AAK1: variants seen among roughly 807,000 people sequenced by gnomAD.
AAK1 encodes AP2-associated protein kinase 1.
Under a neutral mutation model 116.0 loss-of-function variants are expected in AAK1, and 37 were observed. The observed-to-expected ratio is 0.32, with a 90% CI of 0.25 to 0.42. The LOEUF (loss-of-function observed/expected upper bound fraction) is 0.42, where lower values mean the gene tolerates loss of function less well. AAK1 is among the 10% of genes least tolerant of loss of function. The pLI is 1.00. For synonymous variants in AAK1, 458 were observed against 439.9 expected (o/e 1.04, Z -0.51); for missense variants, 919 against 1,170.6 (o/e 0.79, Z 3.14).
chr2:69,567,033 G>C (rs1671903726), intron 2 of AAK1, among the ~76,000 whole-genome samples: 2 of 152,182 alleles, frequency 1.3e-5, no homozygotes, highest in Admixed American at 1.3e-4. Context: ...TACTGACCAA[G>C]GCCCGCAATT....
At chr2:69,582,367 G>C (rs139988749) in intron 2 of AAK1, among the ~76,000 whole-genome samples, 21 of 151,896 alleles carry the variant, frequency 1.4e-4, no homozygotes, top group Admixed American at 2.6e-4. Flanking sequence ...AAAAACCTCC[G>C]TGTGTGCGTG....
intron 2 of AAK1, among the ~76,000 whole-genome samples, chr2:69,575,036 A>C (rs79760414): frequency 6.6e-6 from 1 of 150,682 alleles, no homozygotes; most frequent in Non-Finnish European, 1.5e-5. Context: ...AAAAAAAAAA[A>C]CCACACACAC....
intron 3 of AAK1, among the ~76,000 whole-genome samples, chr2:69,545,149 C>T (rs1173879855): frequency 1.3e-5 from 2 of 152,094 alleles, no homozygotes; most frequent in African/African-American, 4.8e-5. Flanking sequence ...GGCATGTTTC[C>T]AGCTCTTCAG....
chr2:69,474,712 A>T lies in AAK1; in HGVS notation c.*1157T>A, dbSNP rs1366810026. On this transcript the variant is annotated 3_prime_UTR_variant, in exon 22 of 22. Transcript: ENST00000409085. ...TAAACAACATGCTTATTCTAGAGAC[A>T]GAGGACCTGCTGAAAGCTTATAGCA... 1.0e-6 allele frequency: 1 copy of T among 985,730 alleles called. No individual in the cohort carries two copies. The highest frequency in any genetic ancestry group is 1.2e-6 in the Non-Finnish European group (1 of 829,944). 61.1% of individuals were successfully genotyped at this position (985,730 alleles called of 1,614,324 possible). A position where few individuals can be genotyped will look rare whatever the true frequency, so the allele number is the denominator to read the frequency against.
At chr2:69,562,285 A>G (rs1671675017) in intron 2 of AAK1, among the ~76,000 whole-genome samples, 2 of 152,138 alleles carry the variant, frequency 1.3e-5, no homozygotes, top group Non-Finnish European at 2.9e-5. Context: ...GTGTGTAGTG[A>G]CATCTTGTTG....
chr2:69,626,522 C>A (rs538380199), intron 2 of AAK1, among the ~76,000 whole-genome samples: 2 of 149,638 alleles, frequency 1.3e-5, no homozygotes, highest in Admixed American at 6.7e-5. Flanking sequence ...TTTTTTGAGA[C>A]AGGGTCTCAC....
intron 5 of AAK1, among the ~76,000 whole-genome samples, chr2:69,534,658 T>C (rs556343234): frequency 2.0e-5 from 3 of 152,272 alleles, no homozygotes; most frequent in African/African-American, 4.8e-5. Flanking sequence ...CTACAGAACT[T>C]ACTGTCAATA....
chr2:69,502,743 T>G (rs1463394886), intron 16 of AAK1, among the ~76,000 whole-genome samples: 2 of 152,172 alleles, frequency 1.3e-5, no homozygotes, highest in African/African-American at 4.8e-5. Context: ...GAAACAAAAT[T>G]TATATAGCTT....
chr2:69,555,371 G>T (rs1671350336), intron 3 of AAK1, among the ~76,000 whole-genome samples: 1 of 152,160 alleles, frequency 6.6e-6, no homozygotes, highest in Admixed American at 6.5e-5. Flanking sequence ...CTAAAATCTA[G>T]AGTAGTGCCA....
chr2:69,475,285 C>A lies in AAK1; in HGVS notation c.*584G>T. The A allele has an allele frequency of 1.0e-6, 1 of 985,944 alleles. No homozygotes were observed. Among genetic ancestry groups the A allele is most frequent in the African/African-American group, 1.7e-5 (1 of 57,358 alleles). 61.1% of individuals were successfully genotyped at this position (985,944 alleles called of 1,614,324 possible). A position where few individuals can be genotyped will look rare whatever the true frequency, so the allele number is the denominator to read the frequency against. ...AAAGTTGGTTGGCTAGAGCTGGGCT[C>A]AATTTCTCTTCTCAAATATATACTA... is the stretch of plus-strand genomic sequence containing the variant. On this transcript the variant is annotated 3_prime_UTR_variant, in exon 22 of 22. Coordinates refer to ENST00000409085, the MANE Select transcript of AAK1 (RefSeq NM_014911.5).
chr2:69,594,594 C>G (rs933631056), intron 2 of AAK1: 17 of 472,634 alleles, frequency 3.6e-5, no homozygotes, highest in Non-Finnish European at 6.1e-5. Context: ...ACTACTATGT[C>G]TAATTACCAC....
rs1168494478 is a variant in AAK1, at chr2:69,509,392, T to C, written c.1845A>G (p.Lys615=). The C allele has an allele frequency of 5.0e-6, 8 of 1,613,832 alleles. No homozygotes were observed. In the Admixed American group the frequency reaches 1.2e-4, roughly 24 times the overall value. The part of the protein sequence containing the change: ...TTPPPAVQGQ[K]VGSLTPPSSP... ...ATGAGGGTGGAGTGAGAGATCCAAC[T>C]TTCTGCCCCTGGACGGCAGGAGGTG... The change falls in exon 14 of 22, where the codon AAA becomes AAG. Residue 615 remains lysine, a synonymous_variant. Transcript: ENST00000409085.
intron 2 of AAK1, among the ~76,000 whole-genome samples, chr2:69,619,922 C>T (rs1674516453): frequency 6.6e-6 from 1 of 152,188 alleles, no homozygotes; most frequent in African/African-American, 2.4e-5. Context: ...GAGCATAGCA[C>T]TTTCTAGGCC....
Position 69,470,403 on chromosome 2 carries a change from T to C in AAK1, c.*5466A>G. On this transcript the variant is annotated 3_prime_UTR_variant, in exon 22 of 22. Coordinates refer to ENST00000409085, the MANE Select transcript of AAK1 (RefSeq NM_014911.5). ...CATCAAACTAATAATTACCATGACC[T>C]TCTAGCTCACATAACAAAATTAAGC... 1 of 985,410 alleles carries C rather than the reference T, an allele frequency of 1.0e-6. No homozygotes were observed. Among genetic ancestry groups the C allele is most frequent in the Non-Finnish European group, 1.2e-6 (1 of 829,926 alleles). The allele number at this position is 985,410 out of a possible 1,614,324, so 61.0% of individuals were successfully genotyped here. A position where few individuals can be genotyped will look rare whatever the true frequency, so the allele number is the denominator to read the frequency against.
intron 2 of AAK1, among the ~76,000 whole-genome samples, chr2:69,564,627 T>C (rs2105103286): frequency 6.6e-6 from 1 of 152,314 alleles, no homozygotes; most frequent in East Asian, 1.9e-4. Context: ...CCTTGAGACA[T>C]GTAGTATTCC....
chr2:69,467,487 T>C lies in AAK1; in HGVS notation c.*8382A>G, dbSNP rs559111894. ...TTAGCAAGAGGGCAGGAAAAAGGCA[T>C]ATGTAACTAAGCAAGAAGAATCCAG... On this transcript the variant is annotated 3_prime_UTR_variant, in exon 22 of 22. Coordinates refer to ENST00000409085, the MANE Select transcript of AAK1 (RefSeq NM_014911.5). The C allele has an allele frequency of 3.0e-6, 3 of 985,356 alleles. No homozygotes were observed. Among genetic ancestry groups the C allele is most frequent in the South Asian group, 4.7e-5 (1 of 21,286 alleles). 61.0% of individuals were successfully genotyped at this position (985,356 alleles called of 1,614,324 possible). A position where few individuals can be genotyped will look rare whatever the true frequency, so the allele number is the denominator to read the frequency against.
At chr2:69,540,887 A>G (rs1670685541) in intron 5 of AAK1, among the ~76,000 whole-genome samples, 1 of 152,248 alleles carries the variant, frequency 6.6e-6, no homozygotes, top group African/African-American at 2.4e-5. Context: ...GATAAACAAA[A>G]TGTGGTACAT....
At chr2:69,636,513 G>C (rs1396441060) in intron 2 of AAK1, among the ~76,000 whole-genome samples, 7 of 152,096 alleles carry the variant, frequency 4.6e-5, no homozygotes, top group African/African-American at 1.2e-4. Context: ...TTTTTAACTA[G>C]AGCACTATTC....
At position 69,472,585 on chromosome 2, in the gene AAK1, G is replaced by A. The variant is rs1674715770; in HGVS notation, c.*3284C>T. 1.0e-6 allele frequency: 1 copy of A among 973,452 alleles called. No individual in the cohort carries two copies. Among genetic ancestry groups the A allele is most frequent in the South Asian group, 4.8e-5 (1 of 21,024 alleles). The allele number at this position is 973,452 out of a possible 1,614,324, so 60.3% of individuals were successfully genotyped here. ...ATAATAATTATAATCATACTTAGAA[G>A]TGTCCACTTAAGCCTTATCTCCTCT... On this transcript the variant is annotated 3_prime_UTR_variant, in exon 22 of 22. Coordinates refer to ENST00000409085, the MANE Select transcript of AAK1 (RefSeq NM_014911.5).
Sources: gnomAD v4.1 joint callset for allele counts (sites outside exome capture counted in the v4.1 genomes callset) on GRCh38, gnomAD v4.1.1 for gene constraint, MANE v1.5 for transcripts, NCBI Gene and HGNC (gene_info 2026-07-23, HGNC 2026-07-21) for gene names.